Variants in GRIP1 observed in about 807,000 individuals in gnomAD.
GRIP1 encodes glutamate receptor-interacting protein 1.
GRIP1 carries 45 observed loss-of-function variants against 129.9 expected under a neutral mutation model. The ratio of observed to expected loss-of-function variants is 0.35; its 90% CI spans 0.27 to 0.44. The LOEUF is 0.44. Ranked by LOEUF, GRIP1 falls within the 20% of genes least tolerant of loss-of-function variation. GRIP1 has a pLI of 1.00. For missense variants in GRIP1, 1,196 were observed against 1,396.8 expected (o/e 0.86, Z 2.29); for synonymous variants, 530 against 520.8 (o/e 1.02, Z -0.24).
At chr12:66,577,981 A>G (rs1362099624) in intron 2 of GRIP1, among the ~76,000 whole-genome samples, 1 of 152,164 alleles carries the variant, frequency 6.6e-6, no homozygotes. Context: ...CAACAAAACA[A>G]ATAAACATTT....
chr12:66,726,680 A>G (rs562932038), intron 1 of GRIP1, among the ~76,000 whole-genome samples: 1 of 152,346 alleles, frequency 6.6e-6, no homozygotes, highest in South Asian at 2.1e-4. Flanking sequence ...ATGTCCACAG[A>G]GGCCCCAAAG....
In GRIP1 at chr12:66,353,462, C is replaced by A; in HGVS notation, c.3114G>T (p.Gly1038=). Residue 1038 remains glycine (G), a synonymous_variant, in exon 24 of 25, where the codon GGG becomes GGT. Transcript: ENST00000359742. ...GVYVKNIRPA[G]PGDLGGLKPY... ...GCTTTAAGCCACCAAGATCTCCTGG[C>A]CCAGCTGGGCGAATATTTTTGACAT... The A allele has an allele frequency of 1.9e-6, 3 of 1,613,060 alleles. No homozygotes were observed. Among genetic ancestry groups the A allele is most frequent in the Non-Finnish European group, 2.5e-6 (3 of 1,179,084 alleles).
At chr12:66,916,612 A>C (rs2041126766) in intron 1 of GRIP1, among the ~76,000 whole-genome samples, 1 of 152,166 alleles carries the variant, frequency 6.6e-6, no homozygotes, top group South Asian at 2.1e-4. Flanking sequence ...AAATGTATCT[A>C]CCATTACTTC....
rs1183407917 is a variant in GRIP1 at position 66,973,403 on chromosome 12, A to C, written c.58+95647T>G. Among the ~76,000 whole-genome samples the C allele has an allele frequency of 2.8e-5, 4 of 145,206 alleles. No homozygotes were observed. The South Asian group carries it at 6.5e-4, about 23-fold the overall frequency. ...CTTTTTTTTTTTTTTTTTTGAAGGA[A>C]AATGTACTTCAAAACCCCTCTTTCA... On this transcript the variant is annotated intron_variant, in intron 1 of 1. Transcript: ENST00000643019.
intron 1 of GRIP1, among the ~76,000 whole-genome samples, chr12:67,022,453 T>C (rs530056863): frequency 2.7e-4 from 41 of 152,310 alleles, no homozygotes; most frequent in Non-Finnish European, 3.5e-4. Context: ...TATATACCTA[T>C]GAGTGGAATG....
chr12:66,979,252 A>AAAAAAACAAC (rs772753895), intron 1 of GRIP1, among the ~76,000 whole-genome samples: 11 of 110,230 alleles, frequency 1.0e-4, no homozygotes, highest in Non-Finnish European at 1.8e-4. Context: ...AAAAAAAAAA[A>AAAAAAACAAC]AACAAGCCCG....
chr12:66,652,057 G>A (rs58966224), intron 1 of GRIP1, among the ~76,000 whole-genome samples: 3 of 152,100 alleles, frequency 2.0e-5, no homozygotes, highest in African/African-American at 7.2e-5. Flanking sequence ...TTTGGGAAAG[G>A]TGATTCTTCT....
At chr12:66,436,389 A>G (rs1441755585) in intron 13 of GRIP1, among the ~76,000 whole-genome samples, 1 of 152,110 alleles carries the variant, frequency 6.6e-6, no homozygotes, top group Non-Finnish European at 1.5e-5. Flanking sequence ...TTCCAGAACA[A>G]AGATATATAT....
intron 2 of GRIP1, among the ~76,000 whole-genome samples, chr12:66,567,059 T>A (rs1396083897): frequency 1.3e-5 from 2 of 152,208 alleles, no homozygotes; most frequent in Non-Finnish European, 2.9e-5. Flanking sequence ...ATTTTGTTGA[T>A]CTTTTCAAAA....
intron 7 of GRIP1, among the ~76,000 whole-genome samples, chr12:66,465,886 AAGGAAGGG>A (rs1398481587): frequency 1.3e-5 from 2 of 152,190 alleles, no homozygotes; most frequent in East Asian, 1.9e-4. Flanking sequence ...AGAAGAAAGA[AAGGAAGGG>A]AGGAAGGGAG....
chr12:66,537,636 C>G (rs1390495289), intron 4 of GRIP1, among the ~76,000 whole-genome samples: 3 of 151,892 alleles, frequency 2.0e-5, no homozygotes, highest in African/African-American at 2.4e-5. Context: ...TTTCCTAAAC[C>G]TAGTCACTAA....
chr12:66,430,147 C>T (rs1437781077), intron 14 of GRIP1, among the ~76,000 whole-genome samples: 1 of 152,208 alleles, frequency 6.6e-6, no homozygotes, highest in Non-Finnish European at 1.5e-5. Flanking sequence ...ATGTCAGGAA[C>T]TGTGCTAGGC....
intron 1 of GRIP1, among the ~76,000 whole-genome samples, chr12:66,822,913 C>T (rs1262075908): frequency 6.6e-6 from 1 of 152,116 alleles, no homozygotes; most frequent in Non-Finnish European, 1.5e-5. Flanking sequence ...CAATCATACC[C>T]CAAACCTGAG....
chr12:66,507,540 T>C (rs1432176900), intron 7 of GRIP1, among the ~76,000 whole-genome samples: 3 of 152,046 alleles, frequency 2.0e-5, no homozygotes, highest in Non-Finnish European at 4.4e-5. Context: ...CAAAATAAAA[T>C]ACAAACTATA....
chr12:67,063,633 A>T (rs956817009), intron 1 of GRIP1, among the ~76,000 whole-genome samples: 1 of 152,070 alleles, frequency 6.6e-6, no homozygotes, highest in African/African-American at 2.4e-5. Context: ...ATTACTAACT[A>T]CTATTATAAT....
chr12:66,347,627 A>AAAAT lies in GRIP1; in HGVS notation c.*1388_*1391dup, dbSNP rs1203609313. The stretch of plus-strand genomic sequence containing the variant: ...GTTTAATACTTGTTTGTTACAAATA[A>AAAAT]AAATACATATTTAAGTGACTCATGA... On this transcript the variant is annotated 3_prime_UTR_variant, in exon 25 of 25. Transcript: ENST00000359742. 6.6e-6 allele frequency: 1 copy of AAAAT among 152,244 alleles called. No homozygotes were observed. The highest frequency in any genetic ancestry group is 2.1e-4 in the South Asian group (1 of 4,832). 9.4% of individuals were successfully genotyped at this position (152,244 alleles called of 1,614,324 possible).
chr12:66,538,352 A>G (rs2061670109), intron 4 of GRIP1, among the ~76,000 whole-genome samples: 1 of 151,992 alleles, frequency 6.6e-6, no homozygotes, highest in South Asian at 2.1e-4. Flanking sequence ...GGCATATGCC[A>G]CCATGCCCGA....
chr12:66,921,400 T>A (rs1592346784), intron 1 of GRIP1, among the ~76,000 whole-genome samples: 1 of 152,218 alleles, frequency 6.6e-6, no homozygotes, highest in South Asian at 2.1e-4. Context: ...TCTGGATCAT[T>A]GAAAGGTATC....
intron 1 of GRIP1, among the ~76,000 whole-genome samples, chr12:66,872,828 C>A (rs2040318453): frequency 6.6e-6 from 1 of 152,068 alleles, no homozygotes; most frequent in African/African-American, 2.4e-5. Flanking sequence ...CAAACTATCC[C>A]AAAACTTAAT....
Sources: gnomAD v4.1 joint callset for allele counts (sites outside exome capture counted in the v4.1 genomes callset) on GRCh38, gnomAD v4.1.1 for gene constraint, MANE v1.5 for transcripts, NCBI Gene and HGNC (gene_info 2026-07-23, HGNC 2026-07-21) for gene names.